PLXNA4: variants seen among roughly 807,000 people sequenced by gnomAD.
The protein encoded by PLXNA4 is plexin A4, also known as plexin-A4.
PLXNA4 carries 44 observed loss-of-function variants against 191.8 expected under a neutral mutation model. That is an observed-to-expected ratio of 0.23 (90% CI 0.18 to 0.29). The LOEUF is 0.29. Among genes scored for constraint, PLXNA4 ranks in the 10% least tolerant of loss-of-function variants. The probability of loss-of-function intolerance (pLI) is 1.00; values close to 1 mark genes in which losing one functional copy is unlikely to be tolerated. For synonymous variants in PLXNA4, 1,082 were observed against 1,009.5 expected (o/e 1.07, Z -1.36); for missense variants, 1,800 against 2,488.8 (o/e 0.72, Z 5.89).
At chr7:132,493,081 T>C (rs922154924) in intron 2 of PLXNA4, among the ~76,000 whole-genome samples, 16 of 152,190 alleles carry the variant, frequency 1.1e-4, no homozygotes, top group African/African-American at 3.6e-4. Context: ...ATGCCAGGGC[T>C]GCCTGGGCCC....
chr7:132,562,682 CTCCTCCTT>C (rs1801275704), intron 1 of PLXNA4, among the ~76,000 whole-genome samples: 1 of 112,436 alleles, frequency 8.9e-6, no homozygotes, highest in Non-Finnish European at 1.8e-5. Context: ...TCCTCCTCCT[CTCCTCCTT>C]TTCCTCCTCC....
intron 3 of PLXNA4, among the ~76,000 whole-genome samples, chr7:132,304,591 A>G (rs1199519131): frequency 6.6e-6 from 1 of 152,212 alleles, no homozygotes; most frequent in Non-Finnish European, 1.5e-5. Flanking sequence ...AGCACAGCTC[A>G]GTTTGGAGCA....
intron 3 of PLXNA4, among the ~76,000 whole-genome samples, chr7:132,453,178 G>T (rs1291157589): frequency 6.6e-6 from 1 of 152,146 alleles, no homozygotes; most frequent in Non-Finnish European, 1.5e-5. Context: ...TGTCAATTAG[G>T]GAGAGGATGG....
chr7:132,328,338 G>C (rs1461590938), intron 3 of PLXNA4, among the ~76,000 whole-genome samples: 1 of 152,088 alleles, frequency 6.6e-6, no homozygotes, highest in African/African-American at 2.4e-5. Flanking sequence ...CTCGGCCTGT[G>C]TCACCCTCCC....
At chr7:132,333,848 C>A (rs549769974) in intron 3 of PLXNA4, among the ~76,000 whole-genome samples, 4 of 152,266 alleles carry the variant, frequency 2.6e-5, no homozygotes, top group Middle Eastern at 6.8e-3. Flanking sequence ...CGCTTTTGAG[C>A]GGGAGGGACT....
At position 132,126,470 on chromosome 7, in the gene PLXNA4, G is replaced by C. The variant is rs58495760; in HGVS notation, c.*4009C>G. On this transcript the variant is annotated 3_prime_UTR_variant, in exon 32 of 32. Transcript: ENST00000321063. The stretch of plus-strand genomic sequence containing the variant: ...GACAGGGAGGATGCTCGTGGCAGGA[G>C]GAGCACAGGCAGAAGCCAGACATGC... 6.6e-6 allele frequency: 1 copy of C among 152,470 alleles called. No homozygotes were observed. Among genetic ancestry groups the C allele is most frequent in the Non-Finnish European group, 1.5e-5 (1 of 68,310 alleles). 9.4% of individuals were successfully genotyped at this position (152,470 alleles called of 1,614,324 possible).
chr7:132,497,683 G>T (rs1798082422), intron 2 of PLXNA4, among the ~76,000 whole-genome samples: 1 of 152,202 alleles, frequency 6.6e-6, no homozygotes, highest in South Asian at 2.1e-4. Context: ...CTTCAGACAC[G>T]TGACATTGAG....
At position 132,215,460 on chromosome 7, in the gene PLXNA4, G is replaced by A. The variant is rs374995744; in HGVS notation, c.2098-4317C>T. On this transcript the variant is annotated intron_variant, in intron 9 of 31. Coordinates refer to ENST00000321063, the MANE Select transcript of PLXNA4 (RefSeq NM_020911.2). ...GGTCTTTTCCTCTGGCTGCTGGCAC[G>A]GTGCTTCTAAAACCTTTGGAGTTTT... Among the ~76,000 whole-genome samples, 9 of 152,316 alleles carry A rather than the reference G, an allele frequency of 5.9e-5. No individual in the cohort carries two copies. The East Asian group carries it at 1.5e-3, about 26-fold the overall frequency.
In PLXNA4 at chr7:132,521,202, AT is replaced by A. The variant is rs200612785; in HGVS notation, c.-86-12424del. On this transcript the variant is annotated intron_variant, in intron 1 of 31. Coordinates refer to ENST00000321063, the MANE Select transcript of PLXNA4 (RefSeq NM_020911.2). ...TGAAAAAAAAAAAAAAAAAAAAAAAATTCAGAATGACGGCAACAAAGTTTTG... is the reference window on the plus strand; with the variant it reads ...TGAAAAAAAAAAAAAAAAAAAAAAAATCAGAATGACGGCAACAAAGTTTTG... 6.2e-4 allele frequency among the ~76,000 whole-genome samples: 93 copies of A among 150,040 alleles called. 4 individuals are homozygous for A. Among genetic ancestry groups the A allele is most frequent in the Non-Finnish European group, 6.8e-4 (46 of 67,770 alleles).
At chr7:132,433,189 G>A (rs911724847) in intron 3 of PLXNA4, among the ~76,000 whole-genome samples, 1 of 152,118 alleles carries the variant, frequency 6.6e-6, no homozygotes, top group Non-Finnish European at 1.5e-5. Context: ...AACTTGGGGG[G>A]AAAAATCAAT....
chr7:132,628,816 G>A (rs568225772), intron 2 of PLXNA4, among the ~76,000 whole-genome samples: 1 of 152,274 alleles, frequency 6.6e-6, no homozygotes, highest in African/African-American at 2.4e-5. Flanking sequence ...GTAGTATTCT[G>A]TCTTACATCT....
chr7:132,453,339 T>C (rs1244114335), intron 3 of PLXNA4, among the ~76,000 whole-genome samples: 1 of 152,118 alleles, frequency 6.6e-6, no homozygotes, highest in East Asian at 1.9e-4. Context: ...TCTCCAATTA[T>C]GACCCTAGGA....
chr7:132,410,992 C>T (rs575628162), intron 3 of PLXNA4, among the ~76,000 whole-genome samples: 6 of 152,218 alleles, frequency 3.9e-5, no homozygotes, highest in Non-Finnish European at 8.8e-5. Context: ...CTTTGGCCAT[C>T]ATCCCGATTA....
rs189774400 is a variant in PLXNA4, at chr7:132,217,808, C to T, written c.2097+5719G>A. 7.4e-5 allele frequency among the ~76,000 whole-genome samples: 11 copies of T among 148,576 alleles called. No homozygotes were observed. In the East Asian group the frequency reaches 2.0e-3, roughly 27 times the overall value. On this transcript the variant is annotated intron_variant, in intron 9 of 31. Coordinates refer to ENST00000321063, the MANE Select transcript of PLXNA4 (RefSeq NM_020911.2). ...GGGCAGGCAAGATTGATGGAAAGTGCAGTTGTCTGGAGGAATGGCAACCCA... is the reference window on the plus strand; with the variant it reads ...GGGCAGGCAAGATTGATGGAAAGTGTAGTTGTCTGGAGGAATGGCAACCCA...
intron 2 of PLXNA4, among the ~76,000 whole-genome samples, chr7:132,592,069 C>T (rs188941244): frequency 4.6e-5 from 7 of 152,260 alleles, no homozygotes; most frequent in South Asian, 2.1e-4. Context: ...GGTGACCCGC[C>T]AGCTCATGAG....
At position 132,128,925 on chromosome 7, in the gene PLXNA4, C is replaced by T. The variant is rs536287324; in HGVS notation, c.*1554G>A. On this transcript the variant is annotated 3_prime_UTR_variant, in exon 32 of 32. Transcript: ENST00000321063. ...GGATGGGAGACTGCACCAGACAGCACCTAAGGTCTCCTTAGGATGAAAGGT... is the reference window on the plus strand; with the variant it reads ...GGATGGGAGACTGCACCAGACAGCATCTAAGGTCTCCTTAGGATGAAAGGT... 5.3e-5 allele frequency: 8 copies of T among 152,356 alleles called. No homozygotes were observed. The East Asian group carries it at 9.6e-4, about 18-fold the overall frequency. The allele number at this position is 152,356 out of a possible 1,614,324, so 9.4% of individuals were successfully genotyped here. A position where few individuals can be genotyped will look rare whatever the true frequency, so the allele number is the denominator to read the frequency against.
Position 132,148,585 on chromosome 7 carries a change from A to T in PLXNA4, c.4722T>A (p.Ile1574=). The change falls in exon 26 of 32, where the codon ATT becomes ATA. Residue 1574 remains isoleucine (I), a synonymous_variant. Coordinates refer to ENST00000321063, the MANE Select transcript of PLXNA4 (RefSeq NM_020911.2). ...TGTTCAGTCGCTTCCAATCATTCTC[A>T]ATCTTGGTGGTGATGTCTTCATCCT... The part of the protein sequence containing the change: ...ILQDEDITTK[I]ENDWKRLNTL... The T allele has an allele frequency of 6.2e-7, 1 of 1,613,664 alleles. No individual in the cohort carries two copies. Among genetic ancestry groups the T allele is most frequent in the Non-Finnish European group, 8.5e-7 (1 of 1,179,882 alleles).
chr7:132,576,488 C>A, upstream of PLXNA4: 2 of 985,282 alleles, frequency 2.0e-6, no homozygotes, highest in South Asian at 9.4e-5. This position sits in a 1 kb window ranked among gnomAD's most constrained non-coding sequence, Gnocchi z 5.8. Flanking sequence ...GAGCCTATGC[C>A]GCTGCCTCTC....
chr7:132,199,501 G>A (rs891171956), intron 12 of PLXNA4, among the ~76,000 whole-genome samples: 1 of 152,172 alleles, frequency 6.6e-6, no homozygotes, highest in African/African-American at 2.4e-5. Context: ...CTGCTTTGAG[G>A]TGAGGGCTGT....
Sources: allele counts gnomAD v4.1 joint callset (sites outside exome capture counted in the v4.1 genomes callset), GRCh38; gene constraint gnomAD v4.1.1; non-coding constraint Gnocchi (gnomAD v3.1); transcripts MANE v1.5; gene names NCBI Gene and HGNC (gene_info 2026-07-23, HGNC 2026-07-21).